The following SLC8A1 variants were observed in gnomAD, a reference collection of about 807,000 sequenced individuals.
SLC8A1 encodes solute carrier family 8 member A1.
SLC8A1 carries 18 observed loss-of-function variants against 68.3 expected under a neutral mutation model. The ratio of observed to expected loss-of-function variants is 0.26; its 90% CI spans 0.18 to 0.39. The LOEUF is 0.39. Among genes scored for constraint, SLC8A1 ranks in the 10% least tolerant of loss-of-function variants. The probability of loss-of-function intolerance (pLI) is 1.00; values close to 1 mark genes in which losing one functional copy is unlikely to be tolerated. For missense variants in SLC8A1, 985 were observed against 1,156.7 expected (o/e 0.85, Z 2.15); for synonymous variants, 475 against 415.5 (o/e 1.14, Z -1.74).
intron 2 of SLC8A1, among the ~76,000 whole-genome samples, chr2:40,349,051 C>T (rs1237928069): frequency 3.3e-5 from 5 of 152,240 alleles, no homozygotes; most frequent in Admixed American, 2.6e-4. Flanking sequence ...AAATTGTGCA[C>T]ACAGCTTCAA....
intron 2 of SLC8A1, among the ~76,000 whole-genome samples, chr2:40,314,897 A>G (rs1395303300): frequency 6.6e-6 from 1 of 151,936 alleles, no homozygotes; most frequent in East Asian, 1.9e-4. Flanking sequence ...GGTTTTACAG[A>G]TTTTTATCAG....
chr2:40,417,275 G>A (rs769473872), intron 2 of SLC8A1, among the ~76,000 whole-genome samples: 3 of 151,990 alleles, frequency 2.0e-5, no homozygotes, highest in Non-Finnish European at 2.9e-5. Context: ...CAGGTAATAT[G>A]CATAGTACCA....
chr2:40,346,047 T>TAA (rs774555210), intron 2 of SLC8A1, among the ~76,000 whole-genome samples: 4,008 of 41,692 alleles, frequency 0.096, 191 homozygotes, highest in Non-Finnish European at 0.12. Context: ...ACATTAACAG[T>TAA]AAAAAAAAAA....
At chr2:40,395,094 C>T (rs1011627909) in intron 2 of SLC8A1, among the ~76,000 whole-genome samples, 1 of 152,176 alleles carries the variant, frequency 6.6e-6, no homozygotes, top group African/African-American at 2.4e-5. Context: ...CTAGACAGTG[C>T]TCTTTAAGAC....
At chr2:40,179,717 AT>A in intron 2 of SLC8A1, among the ~76,000 whole-genome samples, 1 of 152,278 alleles carries the variant, frequency 6.6e-6, no homozygotes, top group South Asian at 2.1e-4. Flanking sequence ...AAATTGGCTT[AT>A]GATCTTGTTT....
At chr2:40,248,856 G>C (rs530292575) in intron 2 of SLC8A1, among the ~76,000 whole-genome samples, 1 of 152,248 alleles carries the variant, frequency 6.6e-6, no homozygotes, top group East Asian at 1.9e-4. Flanking sequence ...TGGTTGGACG[G>C]AGTTGTATTA....
intron 2 of SLC8A1, among the ~76,000 whole-genome samples, chr2:40,305,281 G>C (rs1234349041): frequency 1.3e-5 from 2 of 152,208 alleles, no homozygotes; most frequent in African/African-American, 4.8e-5. Context: ...GCCTGGAGCA[G>C]TTTTCGAGTT....
intron 3 of SLC8A1, chr2:40,176,089 T>G: frequency 3.3e-6 from 1 of 306,732 alleles, no homozygotes; most frequent in Non-Finnish European, 6.6e-6. Flanking sequence ...CAGAATGTAC[T>G]GTAGCACTTT....
intron 2 of SLC8A1, among the ~76,000 whole-genome samples, chr2:40,300,045 T>C (rs2071151983): frequency 6.6e-6 from 1 of 152,162 alleles, no homozygotes; most frequent in Non-Finnish European, 1.5e-5. Context: ...ATCACTGTCC[T>C]CAAAGTTTCA....
intron 2 of SLC8A1, among the ~76,000 whole-genome samples, chr2:40,347,990 G>C (rs1353948650): frequency 6.6e-6 from 1 of 152,138 alleles, no homozygotes; most frequent in African/African-American, 2.4e-5. Flanking sequence ...ATATTCTCAG[G>C]TTTTAAAAAA....
In SLC8A1 at chr2:40,215,434, G is replaced by A. The variant is rs13385780; in HGVS notation, c.1809-37579C>T. 7.6e-3 allele frequency among the ~76,000 whole-genome samples: 1,148 copies of A among 151,894 alleles called. 11 individuals carry two copies. The highest frequency in any genetic ancestry group is 0.015 in the South Asian group (72 of 4,808). On this transcript the variant is annotated intron_variant, in intron 2 of 7. Transcript: ENST00000406785. ...GGGTGGATCATGAGGTCAGGAGATCGAGACCATCCTGGCTAACAAGGTGAA... is the reference window on the plus strand; with the variant it reads ...GGGTGGATCATGAGGTCAGGAGATCAAGACCATCCTGGCTAACAAGGTGAA...
chr2:40,253,831 C>CA (rs61434245), intron 2 of SLC8A1, among the ~76,000 whole-genome samples: 1,756 of 59,674 alleles, frequency 0.029, 10 homozygotes, highest in East Asian at 0.065. Flanking sequence ...TGTCTGTCTC[C>CA]AAAAAAAAAA....
intron 1 of SLC8A1, among the ~76,000 whole-genome samples, chr2:40,501,609 AT>A (rs1706063603): frequency 6.6e-6 from 1 of 152,106 alleles, no homozygotes; most frequent in African/African-American, 2.4e-5. Context: ...CTTTCTAGAA[AT>A]CACCCAGTAC....
chr2:40,367,423 C>A (rs1024899561), intron 2 of SLC8A1, among the ~76,000 whole-genome samples: 3 of 152,052 alleles, frequency 2.0e-5, no homozygotes, highest in African/African-American at 7.2e-5. Context: ...GGTATCGCTA[C>A]ACACATCCCT....
intron 2 of SLC8A1, among the ~76,000 whole-genome samples, chr2:40,353,181 G>C (rs969185063): frequency 6.6e-6 from 1 of 152,082 alleles, no homozygotes; most frequent in Non-Finnish European, 1.5e-5. Context: ...TTGAGAATGA[G>C]AACTTTTTCT....
At chr2:40,134,789 C>T (rs939024306) in intron 7 of SLC8A1, among the ~76,000 whole-genome samples, 2 of 152,090 alleles carry the variant, frequency 1.3e-5, no homozygotes, top group African/African-American at 2.4e-5. Flanking sequence ...CACACAGATA[C>T]ACAATTGCAT....
chr2:40,509,698 A>T (rs549979686), intron 1 of SLC8A1, among the ~76,000 whole-genome samples: 2 of 152,242 alleles, frequency 1.3e-5, no homozygotes, highest in South Asian at 4.1e-4. Flanking sequence ...TGTAGACAGA[A>T]GCCTCCAACC....
At chr2:40,224,276 G>A (rs1026227619) in intron 2 of SLC8A1, among the ~76,000 whole-genome samples, 1 of 152,024 alleles carries the variant, frequency 6.6e-6, no homozygotes, top group Non-Finnish European at 1.5e-5. Context: ...ACAGAGGCCC[G>A]ATTAAAAGGC....
At chr2:40,279,124 A>AT (rs1191487124) in intron 2 of SLC8A1, among the ~76,000 whole-genome samples, 1 of 152,100 alleles carries the variant, frequency 6.6e-6, no homozygotes, top group African/African-American at 2.4e-5. Context: ...GTCCATAGCT[A>AT]TTTATGAGTA....
Sources: allele counts gnomAD v4.1 joint callset (sites outside exome capture counted in the v4.1 genomes callset), GRCh38; gene constraint gnomAD v4.1.1; transcripts MANE v1.5; gene names NCBI Gene and HGNC (gene_info 2026-07-23, HGNC 2026-07-21).